The following PSG9 variants were observed in gnomAD, a reference collection of about 807,000 sequenced individuals.
PSG9 encodes the protein pregnancy specific beta-1-glycoprotein 9, also known as pregnancy-specific beta-1-glycoprotein 9.
Under a neutral mutation model 41.9 loss-of-function variants are expected in PSG9, and 49 were observed. The ratio of observed to expected loss-of-function variants is 1.17; its 90% CI spans 0.93 to 1.48. The LOEUF (loss-of-function observed/expected upper bound fraction) is 1.48. PSG9 is among the 40% of genes most tolerant of loss of function. The probability of loss-of-function intolerance (pLI) is 0.00; values close to 1 mark genes in which losing one functional copy is unlikely to be tolerated. For missense variants in PSG9, 641 were observed against 520.3 expected (o/e 1.23, Z -2.26); for synonymous variants, 263 against 196.8 (o/e 1.34, Z -2.82).
intron 1 of PSG9, among the ~76,000 whole-genome samples, 173 bp downstream of exon 1, chr19:43,269,195 T>A (rs1339626584): frequency 6.6e-6 from 1 of 151,930 alleles, no homozygotes; most frequent in Non-Finnish European, 1.5e-5. Context: ...TAGGAGAGAC[T>A]GGGCTTCACT....
At chr19:43,268,263 C>T (rs73553915) in intron 1 of PSG9, 114 bp from the exon 2 acceptor site, 361,056 of 1,389,666 alleles carry the variant, frequency 0.26, 52,967 homozygotes, top group Non-Finnish European at 0.3. Context: ...GATACACACA[C>T]GCACACATAC....
At position 43,267,664 on chromosome 19, in the gene PSG9, C is replaced by G. The variant is rs946282829; in HGVS notation, c.430+120G>C. The G allele has an allele frequency of 3.9e-5, 59 of 1,530,296 alleles. No homozygotes were observed. In the Admixed American group the frequency reaches 4.9e-4, roughly 13 times the overall value. 94.8% of individuals were successfully genotyped at this position (1,530,296 alleles called of 1,614,324 possible). A position where few individuals can be genotyped will look rare whatever the true frequency, so the allele number is the denominator to read the frequency against. ...GTGTCCTGCACTAAATGCCCAAACC[C>G]CAGCATGGGACATAATGCAGAGAGT... On this transcript the variant is annotated intron_variant, in intron 2 of 5. Transcript: ENST00000270077.
chr19:43,267,483 G>A (rs1435052212), intron 2 of PSG9, among the ~76,000 whole-genome samples: 1 of 152,140 alleles, frequency 6.6e-6, no homozygotes, highest in South Asian at 2.1e-4. Flanking sequence ...GTCTTTCTCA[G>A]GGTCAAATTT....
intron 2 of PSG9, among the ~76,000 whole-genome samples, chr19:43,267,119 T>C (rs1268041725): frequency 3.9e-5 from 6 of 152,156 alleles, no homozygotes; most frequent in African/African-American, 1.2e-4. Context: ...AGACTTTCTA[T>C]GGACTGTCCT....
In PSG9 at chr19:43,257,337, A is replaced by G. The variant is rs1394130436; in HGVS notation, c.1243+865T>C. 8 of 923,138 alleles carry G rather than the reference A, an allele frequency of 8.7e-6. 1 individual carries two copies. The highest frequency in any genetic ancestry group is 3.9e-5 in the African/African-American group (2 of 51,574). 57.2% of individuals were successfully genotyped at this position (923,138 alleles called of 1,614,324 possible). Reference sequence around the variant, plus strand: ...TAGTTAATGGTAAGTCTTATATTAGATATATATAAAGTGTCTGGTAGTCTT... The same window carrying G: ...TAGTTAATGGTAAGTCTTATATTAGGTATATATAAAGTGTCTGGTAGTCTT... On this transcript the variant is annotated intron_variant, in intron 5 of 5. Coordinates refer to ENST00000270077, the MANE Select transcript of PSG9 (RefSeq NM_002784.5).
At chr19:43,259,340 C>T (rs1202309446) in intron 3 of PSG9, 2 of 1,011,398 alleles carry the variant, frequency 2.0e-6, no homozygotes, top group South Asian at 3.6e-5. Flanking sequence ...TAGGGAAGCA[C>T]AGACTTTCTC....
In PSG9 at chr19:43,259,044, C is replaced by G. The variant is rs1599822320; in HGVS notation, c.801G>C (p.Glu267Asp). The change falls in exon 4 of 6, where the codon GAG becomes GAC. Residue 267 changes from glutamate (E) to aspartate (D), a missense_variant. Physicochemically the swap from Glu to Asp is conservative, Grantham distance 45. Transcript: ENST00000270077. ...VLAFTCEPKS[E>D]NYTYIWWLNG... ...TTAGCCACCAAATGTAGGTGTAGTT[C>G]TCACTCTTAGGTTCACAGGTGAAGG... is the stretch of plus-strand genomic sequence containing the variant. 1.3e-6 allele frequency: 2 copies of G among 1,590,868 alleles called. No homozygotes were observed. Among genetic ancestry groups the G allele is most frequent in the Non-Finnish European group, 1.7e-6 (2 of 1,174,498 alleles).
At chr19:43,267,343 G>A (rs867791422) in intron 2 of PSG9, among the ~76,000 whole-genome samples, 11 of 152,110 alleles carry the variant, frequency 7.2e-5, no homozygotes, top group African/African-American at 2.4e-4. Flanking sequence ...CCCAGCACTG[G>A]CACAGGCTCC....
At chr19:43,267,729 G>A in intron 2 of PSG9, 55 bp downstream of exon 2, 1 of 1,608,366 alleles carries the variant, frequency 6.2e-7, no homozygotes, top group Non-Finnish European at 8.5e-7. Context: ...CTGTGTGTGT[G>A]AAGTAGAAAT....
chr19:43,256,975 T>C lies in PSG9; in HGVS notation c.1243+1227A>G, dbSNP rs1368069167. Among the ~76,000 whole-genome samples, 2 of 146,834 alleles carry C rather than the reference T, an allele frequency of 1.4e-5. 1 individual carries two copies. The highest frequency in any genetic ancestry group is 4.7e-4 in the East Asian group (2 of 4,280). On this transcript the variant is annotated intron_variant, in intron 5 of 5. Transcript: ENST00000270077. ...AAAAGTCCATTGAAAGATAAGTGGG[T>C]AGGCAAATGAGGTGTATCTATACAT...
intron 2 of PSG9, among the ~76,000 whole-genome samples, chr19:43,267,235 G>A (rs538188965): frequency 6.6e-6 from 1 of 152,150 alleles, no homozygotes; most frequent in Non-Finnish European, 1.5e-5. Flanking sequence ...ATGAGACTCT[G>A]AGGGCTGAGC....
In PSG9 at chr19:43,254,909, G is replaced by T. The variant is rs1451059545; in HGVS notation, c.1244-1263C>A. Among the ~76,000 whole-genome samples the T allele has an allele frequency of 1.5e-5, 2 of 136,928 alleles. 1 individual carries two copies. The highest frequency in any genetic ancestry group is 5.8e-5 in the African/African-American group (2 of 34,420). 89.8% of individuals were successfully genotyped at this position (136,928 alleles called of 152,430 possible). A position where few individuals can be genotyped will look rare whatever the true frequency, so the allele number is the denominator to read the frequency against. The stretch of plus-strand genomic sequence containing the variant: ...TTTGGACCAGCATAGGTAACCTGGG[G>T]AGATGCTGTCTCTACAAAAAAATAA... On this transcript the variant is annotated intron_variant, in intron 5 of 5. Coordinates refer to ENST00000270077, the MANE Select transcript of PSG9 (RefSeq NM_002784.5).
rs745369518 is a variant in PSG9, at chr19:43,258,459, G to A, written c.989-3C>T. ...AATTCTGGGGAGGTCTGGACCATCT[G>A]GAGGAAAGAGAATAAAGCCACACGT... On this transcript the variant is annotated splice_polypyrimidine_tract_variant and splice_region_variant and intron_variant, in intron 4 of 5. Coordinates refer to ENST00000270077, the MANE Select transcript of PSG9 (RefSeq NM_002784.5). 2 of 1,558,416 alleles carry A rather than the reference G, an allele frequency of 1.3e-6. No homozygotes were observed. Among genetic ancestry groups the A allele is most frequent in the Non-Finnish European group, 1.7e-6 (2 of 1,159,892 alleles).
chr19:43,268,185 C>T lies in PSG9; in HGVS notation c.65-36G>A, dbSNP rs1251304967. The T allele has an allele frequency of 7.1e-6, 11 of 1,555,968 alleles. 1 individual carries two copies. Among genetic ancestry groups the T allele is most frequent in the Non-Finnish European group, 9.5e-6 (11 of 1,153,466 alleles). ...GAGACAGCATCAGTTAATATTGAGA[C>T]CTATGTATTGTGGTGAAAAGATGGG... On this transcript the variant is annotated intron_variant, in intron 1 of 5. Transcript: ENST00000270077.
intron 5 of PSG9, among the ~76,000 whole-genome samples, chr19:43,254,155 C>T (rs1968364019): frequency 6.9e-6 from 1 of 145,754 alleles, no homozygotes; most frequent in Non-Finnish European, 1.5e-5. Flanking sequence ...TTCCTATGTG[C>T]CAGGCCCTGT....
rs970460038 is a variant in PSG9, at chr19:43,259,367, G to A, written c.710-232C>T. ...GACTTTCTCAAGTGTCAATTGAGCA[G>A]CAGTGTTGGGTCATGGACAGACACA... On this transcript the variant is annotated intron_variant, in intron 3 of 5. Coordinates refer to ENST00000270077, the MANE Select transcript of PSG9 (RefSeq NM_002784.5). 139 of 814,288 alleles carry A rather than the reference G, an allele frequency of 1.7e-4. 6 individuals carry two copies. The highest frequency in any genetic ancestry group is 2.3e-4 in the Non-Finnish European group (132 of 566,204). 50.4% of individuals were successfully genotyped at this position (814,288 alleles called of 1,614,324 possible).
intron 2 of PSG9, among the ~76,000 whole-genome samples, chr19:43,267,236 A>G (rs542354647): frequency 4.6e-5 from 7 of 152,138 alleles, no homozygotes; most frequent in Non-Finnish European, 1.0e-4. Context: ...TGAGACTCTG[A>G]GGGCTGAGCC....
chr19:43,269,055 C>T (rs896967148), intron 1 of PSG9, among the ~76,000 whole-genome samples: 18 of 151,870 alleles, frequency 1.2e-4, no homozygotes, highest in East Asian at 1.2e-3. Context: ...CCCAGGCTGG[C>T]GTGCAGTGGC....
intron 2 of PSG9, among the ~76,000 whole-genome samples, chr19:43,263,594 A>AC (rs1568417549): frequency 6.6e-6 from 1 of 151,354 alleles, no homozygotes; most frequent in Non-Finnish European, 1.5e-5. Context: ...CTAGTAACAA[A>AC]AAAAAAAAAA....
Sources: allele counts gnomAD v4.1 joint callset (sites outside exome capture counted in the v4.1 genomes callset), GRCh38; gene constraint gnomAD v4.1.1; transcripts MANE v1.5; gene names NCBI Gene and HGNC (gene_info 2026-07-23, HGNC 2026-07-21).